Variants in RADIL observed in about 807,000 individuals in gnomAD.
RADIL encodes the protein Rap associating with DIL domain.
Under a neutral mutation model 97.6 loss-of-function variants are expected in RADIL, and 99 were observed. The observed-to-expected ratio is 1.01, with a 90% CI of 0.86 to 1.20. The LOEUF (loss-of-function observed/expected upper bound fraction) is 1.20, where lower values mean the gene tolerates loss of function less well. Among genes scored for constraint, RADIL ranks in the 50% most tolerant of loss-of-function variants. The pLI, the probability that RADIL is intolerant of heterozygous loss-of-function variation, is 0.00. For synonymous variants in RADIL, 803 were observed against 691.8 expected, an observed-to-expected ratio of 1.16 and a Z score of -2.52; for missense variants, 1,765 against 1,498.9, an observed-to-expected ratio of 1.18 and a Z score of -2.93.
rs534746928 is a variant in RADIL, at chr7:4,837,659, G to A, written c.536-1054C>T. Among the ~76,000 whole-genome samples, 8 of 151,380 alleles carry A rather than the reference G, an allele frequency of 5.3e-5. No homozygotes were observed. Among genetic ancestry groups the A allele is most frequent in the South Asian group, 2.1e-4 (1 of 4,766 alleles). On this transcript the variant is annotated intron_variant, in intron 2 of 14. Transcript: ENST00000399583. The surrounding 1 kb of genome is among the most constrained non-coding windows in gnomAD (Gnocchi z 5.6). The stretch of plus-strand genomic sequence containing the variant: ...CACACATGCACACACATACACACAC[G>A]CCAACACACATGCACCCACACACAT...
rs1306684993 is a variant in RADIL, at chr7:4,814,069, C to T, written c.2139+1209G>A. 1.3e-5 allele frequency among the ~76,000 whole-genome samples: 2 copies of T among 152,160 alleles called. No individual in the cohort carries two copies. The highest frequency in any genetic ancestry group is 2.4e-5 in the African/African-American group (1 of 41,436). On this transcript the variant is annotated intron_variant, in intron 9 of 14. Coordinates refer to ENST00000399583, the MANE Select transcript of RADIL (RefSeq NM_018059.5). The surrounding 1 kb of genome is among the most constrained non-coding windows in gnomAD (Gnocchi z 4.5). Reference sequence around the variant, plus strand: ...CACTGGGAGGACAGGCATGAGCCACCGTGCCTGGCCGAGTCAGCTTTCTTC... The same window carrying T: ...CACTGGGAGGACAGGCATGAGCCACTGTGCCTGGCCGAGTCAGCTTTCTTC...
intron 2 of RADIL, chr7:4,858,794 G>A (rs573593332): frequency 1.0e-4 from 16 of 152,412 alleles, no homozygotes; most frequent in African/African-American, 3.9e-4. Context: ...TGTGGCCACA[G>A]GATTGTCAGT....
intron 7 of RADIL, 115 bp from the exon 8 acceptor site, chr7:4,816,580 C>A: frequency 3.8e-6 from 3 of 790,300 alleles, no homozygotes; most frequent in Non-Finnish European, 6.2e-6. Flanking sequence ...GACCCGGCCT[C>A]GGTAGCTTCC....
intron 2 of RADIL, chr7:4,859,651 C>A (rs565408489): frequency 1.8e-5 from 9 of 491,140 alleles, no homozygotes; most frequent in Non-Finnish European, 2.9e-5. Flanking sequence ...GTTCATGGAC[C>A]CTTGAGGTTG....
At chr7:4,805,469 A>G (rs960171499) in intron 10 of RADIL, 97 bp downstream of exon 10, 2 of 1,399,048 alleles carry the variant, frequency 1.4e-6, no homozygotes, top group Non-Finnish European at 1.9e-6. Context: ...GGTCCCCCAC[A>G]CCCCACTTCA....
chr7:4,846,781 A>G (rs1362707213), intron 2 of RADIL, among the ~76,000 whole-genome samples: 2 of 149,168 alleles, frequency 1.3e-5, no homozygotes, highest in African/African-American at 2.5e-5. Flanking sequence ...TCCTGACCTC[A>G]GGTGATCCAC....
At chr7:4,860,323 C>G in intron 2 of RADIL, 3 of 1,614,016 alleles carry the variant, frequency 1.9e-6, no homozygotes, top group African/African-American at 1.3e-5. Context: ...GAGGCAGCAG[C>G]TGGTGAAGTT....
intron 10 of RADIL, chr7:4,805,122 C>T (rs1041498092): frequency 6.2e-6 from 1 of 162,268 alleles, no homozygotes; most frequent in Non-Finnish European, 1.3e-5. Context: ...AAAACGCACC[C>T]CTATGTATGC....
intron 9 of RADIL, among the ~76,000 whole-genome samples, chr7:4,812,277 C>T (rs1354947846): frequency 1.3e-5 from 2 of 152,166 alleles, no homozygotes; most frequent in Non-Finnish European, 2.9e-5. Context: ...TCCATTTCAT[C>T]TAAATTGTCA....
rs1280544497 is a variant in RADIL, at chr7:4,798,231, C to CG, written c.*1146dup. ...CAATGCGGAGCCGCACACAGAACTG[C>CG]GGGTCGGCAGAGGGCGCGGGGCGGA... On this transcript the variant is annotated 3_prime_UTR_variant, in exon 15 of 15. Transcript: ENST00000399583. 2.0e-5 allele frequency: 3 copies of CG among 151,980 alleles called. No individual in the cohort carries two copies. Among genetic ancestry groups the CG allele is most frequent in the Non-Finnish European group, 4.4e-5 (3 of 68,004 alleles). 9.4% of individuals were successfully genotyped at this position (151,980 alleles called of 1,614,324 possible).
chr7:4,861,853 G>C (rs769319203), intron 2 of RADIL: 1 of 1,336,900 alleles, frequency 7.5e-7, no homozygotes, highest in Non-Finnish European at 9.8e-7. Context: ...CCACCACCGC[G>C]ACCTTCGCGG....
intron 9 of RADIL, among the ~76,000 whole-genome samples, chr7:4,808,362 T>G (rs1398085221): frequency 2.6e-5 from 4 of 152,014 alleles, no homozygotes; most frequent in Non-Finnish European, 5.9e-5. Context: ...TTATTATTAT[T>G]TTATGGATAC....
intron 10 of RADIL, chr7:4,805,128 T>G (rs1326793376): frequency 2.4e-5 from 4 of 166,022 alleles, no homozygotes; most frequent in African/African-American, 9.5e-5. Flanking sequence ...CACCCCTATG[T>G]ATGCACGTAC....
Position 4,819,273 on chromosome 7 carries a change from T to C in RADIL, c.1616-1922A>G, listed in dbSNP as rs1267119270. Among the ~76,000 whole-genome samples the C allele has an allele frequency of 6.6e-6, 1 of 151,932 alleles. No individual in the cohort carries two copies. The highest frequency in any genetic ancestry group is 1.5e-5 in the Non-Finnish European group (1 of 67,976). ...TTTTAGTAGAGACGGGGTTTCACCA[T>C]GTTGGCCAGGCTGGTCTCAAACTCC... On this transcript the variant is annotated intron_variant, in intron 6 of 14. Transcript: ENST00000399583. This position sits in a 1 kb window ranked among gnomAD's most constrained non-coding sequence, Gnocchi z 5.8.
chr7:4,805,684 G>T lies in RADIL; in HGVS notation c.2172C>A (p.Pro724=), dbSNP rs181860876. The change falls in exon 10 of 15, where the codon CCC becomes CCA. Residue 724 remains proline, a synonymous_variant. Transcript: ENST00000399583. The part of the protein sequence containing the change: ...MSWTALRAAF[P]ALSPAQLHRL... ...GGTGCAGCTGTGCTGGGCTCAGTGC[G>T]GGGAACGCAGCCCGCAGGGCTGTCC... The T allele has an allele frequency of 3.1e-6, 5 of 1,611,212 alleles. No individual in the cohort carries two copies. In the African/African-American group the frequency reaches 4.0e-5, roughly 13 times the overall value.
intron 2 of RADIL, among the ~76,000 whole-genome samples, chr7:4,851,667 G>C (rs1273823885): frequency 6.6e-6 from 1 of 152,028 alleles, no homozygotes; most frequent in Non-Finnish European, 1.5e-5. Context: ...AGGTTTCCAA[G>C]CAGAGTGTAG....
chr7:4,869,814 C>T (rs1025559339), intron 2 of RADIL, among the ~76,000 whole-genome samples: 5 of 152,050 alleles, frequency 3.3e-5, no homozygotes, highest in South Asian at 2.1e-4. Flanking sequence ...CATAGGCATT[C>T]GAGAATCTGA....
At chr7:4,855,266 AC>A (rs1485385366) in intron 2 of RADIL, among the ~76,000 whole-genome samples, 4 of 152,166 alleles carry the variant, frequency 2.6e-5, no homozygotes, top group African/African-American at 9.7e-5. Flanking sequence ...TGACTTTTCT[AC>A]CACCACGAGA....
rs1198329017 is a variant in RADIL, at chr7:4,883,165, C to A, written c.-65+431G>T. ...AGGTGGGAGAGCGCGCGGAACCCTG[C>A]GCCCCGCTCCCCCGCTGCGCCCCGC... On this transcript the variant is annotated intron_variant, in intron 1 of 14. Coordinates refer to ENST00000399583, the MANE Select transcript of RADIL (RefSeq NM_018059.5). The surrounding 1 kb of genome is among the most constrained non-coding windows in gnomAD (Gnocchi z 7.1). 1.3e-5 allele frequency among the ~76,000 whole-genome samples: 2 copies of A among 152,134 alleles called. No individual in the cohort carries two copies. Among genetic ancestry groups the A allele is most frequent in the African/African-American group, 2.4e-5 (1 of 41,446 alleles).
Sources: allele counts gnomAD v4.1 joint callset (sites outside exome capture counted in the v4.1 genomes callset), GRCh38; gene constraint gnomAD v4.1.1; non-coding constraint Gnocchi (gnomAD v3.1); transcripts MANE v1.5; gene names NCBI Gene and HGNC (gene_info 2026-07-23, HGNC 2026-07-21).